ZFP82: variants seen among roughly 807,000 people sequenced by gnomAD.
The protein encoded by ZFP82 is zinc finger protein 82 homolog.
Under a neutral mutation model 54.0 loss-of-function variants are expected in ZFP82, and 30 were observed. The ratio of observed to expected loss-of-function variants is 0.56; its 90% confidence interval spans 0.42 to 0.75. The LOEUF is 0.75. ZFP82 is among the 30% of genes least tolerant of loss of function. The pLI is 0.00. For missense variants in ZFP82, 500 were observed against 636.8 expected, an observed-to-expected ratio of 0.79 and a Z score of 2.31; for synonymous variants, 194 against 209.5, an observed-to-expected ratio of 0.93 and a Z score of 0.64.
intron 2 of ZFP82, among the ~76,000 whole-genome samples, chr19:36,408,783 C>T (rs1198046509): frequency 6.6e-6 from 1 of 152,030 alleles, no homozygotes; most frequent in African/African-American, 2.4e-5. Flanking sequence ...CACCATTGCA[C>T]TCCAGCCTAG....
At chr19:36,418,116 C>T (rs902870757) in intron 1 of ZFP82, among the ~76,000 whole-genome samples, 1 of 152,068 alleles carries the variant, frequency 6.6e-6, no homozygotes, top group Non-Finnish European at 1.5e-5. Context: ...GGGAGTTTCG[C>T]TTTGCTGCCC....
chr19:36,405,186 GAAAAA>G (rs35735133), intron 4 of ZFP82, among the ~76,000 whole-genome samples: 1 of 88,518 alleles, frequency 1.1e-5, no homozygotes, highest in Admixed American at 1.3e-4. Context: ...CTGCATCTCA[GAAAAA>G]AAAAAAAAAA....
intron 4 of ZFP82, among the ~76,000 whole-genome samples, chr19:36,402,190 C>T (rs757334086): frequency 1.9e-3 from 296 of 152,126 alleles, no homozygotes; most frequent in Non-Finnish European, 3.5e-3. Context: ...ATTAGGAGGC[C>T]GGGCACAGTG....
At chr19:36,396,493 C>G (rs2032295871) in intron 4 of ZFP82, among the ~76,000 whole-genome samples, 1 of 151,924 alleles carries the variant, frequency 6.6e-6, no homozygotes, top group Admixed American at 6.6e-5. Flanking sequence ...TAAAAATAGA[C>G]ACACACACAA....
At chr19:36,408,303 T>C (rs2032519166) in intron 2 of ZFP82, among the ~76,000 whole-genome samples, 1 of 152,156 alleles carries the variant, frequency 6.6e-6, no homozygotes, top group African/African-American at 2.4e-5. Context: ...TTAAATGAAA[T>C]ACTGTATATA....
At chr19:36,417,092 AAAAAAAAG>A in intron 1 of ZFP82, among the ~76,000 whole-genome samples, 1 of 150,760 alleles carries the variant, frequency 6.6e-6, no homozygotes, top group East Asian at 1.9e-4. Context: ...AAAAAAAAAA[AAAAAAAAG>A]AATTCCTGTT....
chr19:36,400,364 G>A (rs2032363499), intron 4 of ZFP82, among the ~76,000 whole-genome samples: 1 of 152,134 alleles, frequency 6.6e-6, no homozygotes, highest in Admixed American at 6.5e-5. Context: ...TTCCAGGGAA[G>A]TCCTATTTGC....
chr19:36,385,396 A>T (rs1357934553), downstream of ZFP82, among the ~76,000 whole-genome samples: 1 of 152,230 alleles, frequency 6.6e-6, no homozygotes, highest in African/African-American at 2.4e-5. Flanking sequence ...TGTTATAGCA[A>T]CACAAAACAG....
At chr19:36,383,349 G>A (rs2032080653) in exon 2 of ZFP82, 1 of 151,750 alleles carries the variant, frequency 6.6e-6, no homozygotes, top group Non-Finnish European at 1.5e-5. Context: ...CAAACTCAAG[G>A]AGAAAAACAT....
intron 2 of ZFP82, 21 bp downstream of exon 2, chr19:36,409,760 T>C: frequency 3.1e-6 from 5 of 1,613,270 alleles, no homozygotes; most frequent in South Asian, 1.1e-5. Context: ...ATAGTATTCC[T>C]AGGAGGAGAA....
At chr19:36,408,048 G>C (rs201789828) in intron 2 of ZFP82, 35 bp from the exon 3 acceptor site, 119 of 1,603,242 alleles carry the variant, frequency 7.4e-5, no homozygotes, top group Non-Finnish European at 1.3e-5. Flanking sequence ...AAATGAAATG[G>C]AAGAAAATGT....
intron 1 of ZFP82, among the ~76,000 whole-genome samples, chr19:36,413,836 C>G (rs1306544961): frequency 6.6e-6 from 1 of 151,812 alleles, no homozygotes; most frequent in Non-Finnish European, 1.5e-5. Context: ...TTACTGTAAG[C>G]ACTAAATTCA....
At chr19:36,411,737 C>T (rs1568491333) in intron 1 of ZFP82, among the ~76,000 whole-genome samples, 2 of 151,842 alleles carry the variant, frequency 1.3e-5, no homozygotes, top group Non-Finnish European at 2.9e-5. Context: ...TGGTGGCAGG[C>T]ACCTGTAAGC....
intron 4 of ZFP82, chr19:36,394,661 C>G (rs1419695526): frequency 6.5e-6 from 1 of 153,516 alleles, no homozygotes; most frequent in Admixed American, 6.5e-5. Flanking sequence ...ACTTCCATCT[C>G]TTAGGACTCT....
chr19:36,413,817 T>C (rs1051075509), intron 1 of ZFP82, among the ~76,000 whole-genome samples: 2 of 152,112 alleles, frequency 1.3e-5, no homozygotes, highest in African/African-American at 4.8e-5. Flanking sequence ...ATAAAGCACT[T>C]AAAATGGCTT....
At chr19:36,406,424 A>G (rs1413765215) in intron 3 of ZFP82, among the ~76,000 whole-genome samples, 1 of 152,160 alleles carries the variant, frequency 6.6e-6, no homozygotes, top group Non-Finnish European at 1.5e-5. Flanking sequence ...CCAGCCCCAG[A>G]CAACCATTGA....
chr19:36,417,176 C>T (rs1342849062), intron 1 of ZFP82, among the ~76,000 whole-genome samples: 2 of 150,512 alleles, frequency 1.3e-5, no homozygotes. Context: ...CCACAATTGG[C>T]TTAGTATTTT....
chr19:36,404,542 A>C (rs1038597142), intron 4 of ZFP82, among the ~76,000 whole-genome samples: 1 of 152,124 alleles, frequency 6.6e-6, no homozygotes, highest in Non-Finnish European at 1.5e-5. Context: ...TGTGTCCTAC[A>C]TTTACCCTTT....
chr19:36,411,373 T>A lies in ZFP82; in HGVS notation c.-78-1506A>T, dbSNP rs560795287. On this transcript the variant is annotated intron_variant, in intron 1 of 4. Transcript: ENST00000392161. ...GCATGCATGATTCACTAAAAAAAAA[T>A]AAAATAAAAATAACACATCAGCTCA... is the stretch of plus-strand genomic sequence containing the variant. Among the ~76,000 whole-genome samples, 153 of 151,560 alleles carry A rather than the reference T, an allele frequency of 1.0e-3. 1 individual carries two copies. Among genetic ancestry groups the A allele is most frequent in the African/African-American group, 3.5e-3 (144 of 41,236 alleles).
Sources: allele counts gnomAD v4.1 joint callset (sites outside exome capture counted in the v4.1 genomes callset), GRCh38; gene constraint gnomAD v4.1.1; transcripts MANE v1.5; gene names NCBI Gene and HGNC (gene_info 2026-07-23, HGNC 2026-07-21).